FAM20C: variants seen among roughly 807,000 people sequenced by gnomAD.
FAM20C encodes the protein extracellular serine/threonine protein kinase FAM20C.
Under a neutral mutation model 51.5 loss-of-function variants are expected in FAM20C, and 40 were observed. That is an observed-to-expected ratio of 0.78 (90% CI 0.60 to 1.01). The LOEUF (loss-of-function observed/expected upper bound fraction) is 1.01. Ranked by LOEUF, FAM20C falls within the 50% of genes least tolerant of loss-of-function variation. The pLI, the probability that FAM20C is intolerant of heterozygous loss-of-function variation, is 0.00. For synonymous variants in FAM20C, 406 were observed against 380.6 expected, an observed-to-expected ratio of 1.07 and a Z score of -0.78; for missense variants, 861 against 844.7, an observed-to-expected ratio of 1.02 and a Z score of -0.24.
chr7:259,986 G>T lies in FAM20C; in HGVS notation c.*6G>T. 6.6e-7 allele frequency: 1 copy of T among 1,504,082 alleles called. No homozygotes were observed. Among genetic ancestry groups the T allele is most frequent in the Non-Finnish European group, 8.9e-7 (1 of 1,123,808 alleles). 93.2% of individuals were successfully genotyped at this position (1,504,082 alleles called of 1,614,324 possible). On this transcript the variant is annotated 3_prime_UTR_variant, in exon 10 of 10. Transcript: ENST00000313766. ...GAGCCGCCTCGGCGAGGTAGTGTCC[G>T]CCGGCCGCTGCGCTGCCCGGGACGG...
chr7:211,254 C>G (rs540167158), intron 3 of FAM20C, among the ~76,000 whole-genome samples: 3 of 150,370 alleles, frequency 2.0e-5, no homozygotes, highest in Admixed American at 6.6e-5. Context: ...GGACCTCCCC[C>G]CAGCCTCCTC....
chr7:211,732 G>C (rs1288926721), intron 3 of FAM20C, among the ~76,000 whole-genome samples: 1 of 152,226 alleles, frequency 6.6e-6, no homozygotes, highest in Non-Finnish European at 1.5e-5. Context: ...CCAGGAAACA[G>C]GCCTGAGAAG....
chr7:258,285 C>A (rs140852777), intron 8 of FAM20C, among the ~76,000 whole-genome samples: 2,328 of 42,210 alleles, frequency 0.055, 98 homozygotes, highest in Middle Eastern at 0.12. Context: ...GGACCCACTG[C>A]CTGGGGTGCT....
intron 3 of FAM20C, among the ~76,000 whole-genome samples, chr7:224,281 C>A (rs1360464748): frequency 3.1e-5 from 2 of 65,316 alleles, no homozygotes; most frequent in African/African-American, 4.6e-5. Context: ...TCCCCTGAGC[C>A]TTCTCTCACG....
At chr7:250,017 G>A (rs958761491) in intron 5 of FAM20C, among the ~76,000 whole-genome samples, 10 of 152,220 alleles carry the variant, frequency 6.6e-5, no homozygotes, top group Admixed American at 1.3e-4. Flanking sequence ...CCCCACTGGG[G>A]AGGGGCCCTC....
intron 3 of FAM20C, among the ~76,000 whole-genome samples, chr7:216,682 AGAGTGT>A (rs1359418842): frequency 6.3e-5 from 9 of 143,600 alleles, no homozygotes; most frequent in African/African-American, 1.1e-4. Flanking sequence ...AGTGTGTGTG[AGAGTGT>A]GTGTGTGTGT....
Position 258,841 on chromosome 7 carries a change from T to C in FAM20C, c.1505+136T>C, listed in dbSNP as rs36181319. The C allele has an allele frequency of 0.51, 476,126 of 928,880 alleles. 123,543 individuals are homozygous for C. Among genetic ancestry groups the C allele is most frequent in the African/African-American group, 0.72 (42,904 of 59,692 alleles). The allele number at this position is 928,880 out of a possible 1,614,324, so 57.5% of individuals were successfully genotyped here. On this transcript the variant is annotated intron_variant, in intron 9 of 9. Coordinates refer to ENST00000313766, the MANE Select transcript of FAM20C (RefSeq NM_020223.4). ...AAGGCCCCGAATTCAACCACAGCCC[T>C]GAATTCAACCCACACCCTCACTCGG...
intron 3 of FAM20C, chr7:246,170 C>T: frequency 2.1e-6 from 1 of 473,020 alleles, no homozygotes; most frequent in Non-Finnish European, 3.9e-6. Context: ...GCTCTGAGGG[C>T]CCGTCGGCAG....
At position 196,271 on chromosome 7, in the gene FAM20C, CAGA is replaced by C. The variant is rs1562360290; in HGVS notation, c.784+540_784+542del. Among the ~76,000 whole-genome samples the C allele has an allele frequency of 2.0e-5, 3 of 151,490 alleles. No individual in the cohort carries two copies. In the East Asian group the frequency reaches 5.8e-4, roughly 29 times the overall value. The stretch of plus-strand genomic sequence containing the variant: ...GCTCAGGACGGAGGCCTGGGCCTCC[CAGA>C]TGGAGGAGTTTGAAGGCAACATCTC... On this transcript the variant is annotated intron_variant, in intron 2 of 9. Coordinates refer to ENST00000313766, the MANE Select transcript of FAM20C (RefSeq NM_020223.4).
chr7:196,176 T>C (rs1010259821), intron 2 of FAM20C, among the ~76,000 whole-genome samples: 1 of 152,144 alleles, frequency 6.6e-6, no homozygotes, highest in African/African-American at 2.4e-5. Context: ...CTTCTTGTGG[T>C]TTTGAAGCCG....
At chr7:194,870 C>G (rs1192411503) in intron 1 of FAM20C, among the ~76,000 whole-genome samples, 1 of 152,004 alleles carries the variant, frequency 6.6e-6, no homozygotes, top group Non-Finnish European at 1.5e-5. Flanking sequence ...CCGCGTTTCC[C>G]TCCAGCCCAG....
At chr7:194,212 A>G (rs2115037083) in intron 1 of FAM20C, 1 of 180,576 alleles carries the variant, frequency 5.5e-6, no homozygotes, top group East Asian at 1.4e-4. Context: ...GAAGGTCTGG[A>G]TGTGCCTATT....
At chr7:233,399 C>G (rs1425779767) in intron 3 of FAM20C, among the ~76,000 whole-genome samples, 3 of 152,186 alleles carry the variant, frequency 2.0e-5, no homozygotes, top group Admixed American at 6.5e-5. Context: ...GCCCTGCCTT[C>G]GTGTGGCTGG....
At chr7:235,855 A>G (rs950831037) in intron 3 of FAM20C, among the ~76,000 whole-genome samples, 1 of 152,228 alleles carries the variant, frequency 6.6e-6, no homozygotes, top group Non-Finnish European at 1.5e-5. Flanking sequence ...GGCTCCCAGC[A>G]TGCTTTGGAC....
chr7:205,041 C>T (rs1019787806), intron 2 of FAM20C, among the ~76,000 whole-genome samples: 1 of 152,248 alleles, frequency 6.6e-6, no homozygotes, highest in African/African-American at 2.4e-5. Flanking sequence ...GGCGTGTCAC[C>T]CCCATTCTGC....
At chr7:244,105 T>G (rs139693784) in intron 3 of FAM20C, among the ~76,000 whole-genome samples, 31,567 of 151,856 alleles carry the variant, frequency 0.21, 3,783 homozygotes, top group East Asian at 0.31. Flanking sequence ...CAGCTGATTT[T>G]TTTATTTTTC....
intron 5 of FAM20C, among the ~76,000 whole-genome samples, chr7:249,845 C>T (rs1364733068): frequency 1.3e-5 from 2 of 152,242 alleles, no homozygotes; most frequent in African/African-American, 4.8e-5. Flanking sequence ...ACAGCCTGTT[C>T]CCATTTCCGA....
chr7:199,364 C>G (rs2115047315), intron 2 of FAM20C, among the ~76,000 whole-genome samples: 1 of 152,342 alleles, frequency 6.6e-6, no homozygotes, highest in Admixed American at 6.5e-5. Context: ...AAGGCCAGCC[C>G]TGCCTTCCAA....
chr7:197,799 G>A (rs1389794510), intron 2 of FAM20C, among the ~76,000 whole-genome samples: 1 of 152,212 alleles, frequency 6.6e-6, no homozygotes, highest in African/African-American at 2.4e-5. Context: ...TGTGCCAGGA[G>A]CTCCCAGAGC....
Sources: gnomAD v4.1 joint callset for allele counts (sites outside exome capture counted in the v4.1 genomes callset) on GRCh38, gnomAD v4.1.1 for gene constraint, MANE v1.5 for transcripts, NCBI Gene and HGNC (gene_info 2026-07-23, HGNC 2026-07-21) for gene names.